The following LRMDA variants were observed in gnomAD, a reference collection of about 807,000 sequenced individuals.
The protein encoded by LRMDA is leucine-rich melanocyte differentiation-associated protein.
A neutral mutation model predicts 29.8 loss-of-function variants in LRMDA; 18 were observed. That is an observed-to-expected ratio of 0.60 (90% CI 0.42 to 0.90). LRMDA has a LOEUF of 0.90. LRMDA is among the 40% of genes least tolerant of loss of function. LRMDA has a pLI of 0.00. For synonymous variants in LRMDA, 125 were observed against 109.4 expected (o/e 1.14, Z -0.89); for missense variants, 273 against 273.9 (o/e 1.00, Z 0.02).
At chr10:76,493,738 G>C (rs1370489345) in intron 6 of LRMDA, among the ~76,000 whole-genome samples, 1 of 151,798 alleles carries the variant, frequency 6.6e-6, no homozygotes, top group African/African-American at 2.4e-5. Context: ...GCATTTCTAT[G>C]GCAATTTTAG....
At chr10:76,533,420 C>G (rs533373080) in intron 6 of LRMDA, among the ~76,000 whole-genome samples, 3 of 152,128 alleles carry the variant, frequency 2.0e-5, no homozygotes, top group Non-Finnish European at 2.9e-5. Flanking sequence ...GTGTTTAGAT[C>G]TTTATCATAT....
intron 6 of LRMDA, among the ~76,000 whole-genome samples, chr10:76,405,546 C>T (rs750453811): frequency 2.6e-5 from 4 of 152,124 alleles, no homozygotes; most frequent in African/African-American, 7.2e-5. Context: ...AGACAGTTCT[C>T]GCCTGTCTAA....
intron 2 of LRMDA, among the ~76,000 whole-genome samples, chr10:75,511,125 C>G (rs1028890666): frequency 3.3e-5 from 5 of 152,088 alleles, no homozygotes; most frequent in African/African-American, 9.7e-5. Flanking sequence ...CCCAGGAGTT[C>G]GAGACCAGCC....
chr10:76,411,971 G>A (rs377596359), intron 6 of LRMDA, among the ~76,000 whole-genome samples: 8 of 152,382 alleles, frequency 5.2e-5, no homozygotes, highest in Non-Finnish European at 8.8e-5. Flanking sequence ...CAAAATCTCC[G>A]AGTGCTATTG....
chr10:75,503,184 G>GT (rs577316418), intron 2 of LRMDA, among the ~76,000 whole-genome samples: 3,930 of 144,374 alleles, frequency 0.027, 79 homozygotes, highest in African/African-American at 0.054. Flanking sequence ...TTGATAGCCT[G>GT]TTTTTTTTTT....
intron 2 of LRMDA, among the ~76,000 whole-genome samples, chr10:75,945,897 G>A (rs185617940): frequency 8.9e-4 from 135 of 152,236 alleles, no homozygotes; most frequent in African/African-American, 3.0e-3. Context: ...GAGGGGATGT[G>A]ACTTCTCTGA....
intron 6 of LRMDA, among the ~76,000 whole-genome samples, chr10:76,348,897 T>C (rs1215275152): frequency 6.6e-6 from 1 of 152,196 alleles, no homozygotes; most frequent in African/African-American, 2.4e-5. Flanking sequence ...TGGGGTTTGG[T>C]CATTAGCTGA....
intron 2 of LRMDA, among the ~76,000 whole-genome samples, chr10:76,026,029 T>A (rs1848057219): frequency 6.6e-6 from 1 of 151,918 alleles, no homozygotes. Flanking sequence ...CATTAGCAGA[T>A]AAATCTCAAG....
At chr10:75,846,866 A>G (rs77568620) in intron 2 of LRMDA, among the ~76,000 whole-genome samples, 2,021 of 152,322 alleles carry the variant, frequency 0.013, 52 homozygotes, top group African/African-American at 0.047. Flanking sequence ...AAAGGTACCA[A>G]TAAATGGAAA....
At chr10:76,213,469 A>G (rs1851672295) in intron 5 of LRMDA, among the ~76,000 whole-genome samples, 1 of 152,238 alleles carries the variant, frequency 6.6e-6, no homozygotes, top group Non-Finnish European at 1.5e-5. Context: ...TCAATGGCAC[A>G]GTTATAGACT....
At chr10:75,586,225 T>C (rs1261227695) in intron 2 of LRMDA, among the ~76,000 whole-genome samples, 2 of 152,188 alleles carry the variant, frequency 1.3e-5, no homozygotes, top group African/African-American at 2.4e-5. Context: ...GATCATATGA[T>C]AGTTCTATGT....
intron 2 of LRMDA, among the ~76,000 whole-genome samples, chr10:75,653,993 A>G (rs1033278275): frequency 6.6e-6 from 1 of 152,154 alleles, no homozygotes; most frequent in South Asian, 2.1e-4. Context: ...GTTGGCCTCT[A>G]TGTGGACATT....
intron 6 of LRMDA, among the ~76,000 whole-genome samples, chr10:76,532,842 A>T (rs1441625411): frequency 1.3e-5 from 2 of 152,250 alleles, no homozygotes; most frequent in East Asian, 3.9e-4. Flanking sequence ...GAAAACCAAA[A>T]TCTGAATGGT....
chr10:75,707,120 G>A (rs990026997), intron 2 of LRMDA, among the ~76,000 whole-genome samples: 2 of 152,200 alleles, frequency 1.3e-5, no homozygotes, highest in African/African-American at 4.8e-5. Flanking sequence ...GATGTTTAGG[G>A]CATGTTAGGA....
chr10:76,096,541 G>T (rs1049445035), intron 5 of LRMDA, among the ~76,000 whole-genome samples: 1 of 152,070 alleles, frequency 6.6e-6, no homozygotes, highest in African/African-American at 2.4e-5. Flanking sequence ...AAATCAAGTA[G>T]TAGAAGTCCT....
chr10:76,505,420 T>C (rs1395141743), intron 6 of LRMDA, among the ~76,000 whole-genome samples: 1 of 152,134 alleles, frequency 6.6e-6, no homozygotes, highest in Non-Finnish European at 1.5e-5. Flanking sequence ...TTGGTCTCTT[T>C]ATATAACCAT....
chr10:76,445,688 G>T (rs1260078174), intron 6 of LRMDA, among the ~76,000 whole-genome samples: 2 of 152,168 alleles, frequency 1.3e-5, no homozygotes, highest in African/African-American at 4.8e-5. Context: ...GTCCCTCCTT[G>T]GGTAATATCT....
intron 2 of LRMDA, among the ~76,000 whole-genome samples, chr10:76,003,003 A>G (rs1847586799): frequency 6.6e-6 from 1 of 152,166 alleles, no homozygotes; most frequent in South Asian, 2.1e-4. Flanking sequence ...GGAAAACACA[A>G]ACGGAAATGA....
intron 5 of LRMDA, among the ~76,000 whole-genome samples, chr10:76,125,197 T>G (rs1849858280): frequency 6.6e-6 from 1 of 152,236 alleles, no homozygotes; most frequent in Admixed American, 6.5e-5. Flanking sequence ...GTCAGCTGAC[T>G]GCAATAGAAA....
Sources: gnomAD v4.1 joint callset for allele counts (sites outside exome capture counted in the v4.1 genomes callset) on GRCh38, gnomAD v4.1.1 for gene constraint, MANE v1.5 for transcripts, NCBI Gene and HGNC (gene_info 2026-07-23, HGNC 2026-07-21) for gene names.